Variants in CFAP57 observed in about 807,000 individuals in gnomAD.
CFAP57 encodes cilia- and flagella-associated protein 57.
CFAP57 carries 116 observed loss-of-function variants against 146.8 expected under a neutral mutation model. The observed-to-expected ratio is 0.79, with a 90% confidence interval of 0.68 to 0.92. CFAP57 has a LOEUF of 0.92. Among genes scored for constraint, CFAP57 ranks in the 40% least tolerant of loss-of-function variants. The pLI is 0.00. For synonymous variants in CFAP57, 518 were observed against 552.8 expected (o/e 0.94, Z 0.88); for missense variants, 1,377 against 1,527.2 (o/e 0.90, Z 1.64).
At chr1:43,249,346 T>G (rs1229016130) in intron 22 of CFAP57, among the ~76,000 whole-genome samples, 1 of 151,770 alleles carries the variant, frequency 6.6e-6, no homozygotes, top group Non-Finnish European at 1.5e-5. Context: ...TTTTAACAGT[T>G]TATCTAGATT....
At chr1:43,215,954 CCCTT>C (rs1213246047) in intron 12 of CFAP57, among the ~76,000 whole-genome samples, 1 of 152,184 alleles carries the variant, frequency 6.6e-6, no homozygotes, top group Non-Finnish European at 1.5e-5. Flanking sequence ...AGAGCCCCCT[CCCTT>C]AATCACTATA....
intron 6 of CFAP57, chr1:43,196,417 G>A (rs1402590089): frequency 6.5e-6 from 1 of 153,360 alleles, no homozygotes; most frequent in Admixed American, 6.5e-5. Flanking sequence ...AGATAGTAGG[G>A]TCTACAGCCA....
At chr1:43,217,594 C>T (rs1644882082) in intron 12 of CFAP57, among the ~76,000 whole-genome samples, 1 of 152,116 alleles carries the variant, frequency 6.6e-6, no homozygotes, top group South Asian at 2.1e-4. Flanking sequence ...CTCTCCACCC[C>T]ACACCCAGTC....
intron 12 of CFAP57, among the ~76,000 whole-genome samples, chr1:43,217,519 G>C (rs1333165779): frequency 2.6e-5 from 4 of 152,062 alleles, no homozygotes; most frequent in Non-Finnish European, 5.9e-5. Context: ...AGCAAGACAG[G>C]CCAAGCCCCA....
At chr1:43,228,021 C>T (rs1205078481) in intron 18 of CFAP57, among the ~76,000 whole-genome samples, 2 of 152,202 alleles carry the variant, frequency 1.3e-5, no homozygotes, top group African/African-American at 4.8e-5. Flanking sequence ...CACCCTGGTA[C>T]AAGCAGCCAC....
At chr1:43,178,276 A>G (rs989211431) in intron 2 of CFAP57, among the ~76,000 whole-genome samples, 2 of 152,264 alleles carry the variant, frequency 1.3e-5, no homozygotes, top group African/African-American at 4.8e-5. Context: ...ACAAAAGCCA[A>G]AATTGACAAA....
At chr1:43,234,168 C>A in intron 19 of CFAP57, 111 bp from the exon 20 acceptor site, 1 of 1,241,296 alleles carries the variant, frequency 8.1e-7, no homozygotes, top group Non-Finnish European at 1.1e-6. Flanking sequence ...AGCTGTAAGT[C>A]CCAGATGAGG....
chr1:43,188,380 A>C (rs1001365092), intron 6 of CFAP57, among the ~76,000 whole-genome samples: 3 of 152,066 alleles, frequency 2.0e-5, no homozygotes, highest in Admixed American at 6.6e-5. Context: ...AAGTTGCTGG[A>C]CCGTTTTATA....
chr1:43,229,054 G>A (rs558918819), intron 18 of CFAP57, among the ~76,000 whole-genome samples: 2 of 148,382 alleles, frequency 1.3e-5, no homozygotes, highest in African/African-American at 5.1e-5. Flanking sequence ...TGGAATTTGG[G>A]GTGGAGGGCA....
Position 43,226,218 on chromosome 1 carries a change from C to G in CFAP57, c.2866-765C>G, listed in dbSNP as rs115664115. On this transcript the variant is annotated intron_variant, in intron 17 of 22. Transcript: ENST00000372492. Reference sequence around the variant, plus strand: ...GAAAGCAACTATTTTATTCTGCTTACAGGTGCTACAGATCTGGAATCTGGA... The same window carrying G: ...GAAAGCAACTATTTTATTCTGCTTAGAGGTGCTACAGATCTGGAATCTGGA... Among the ~76,000 whole-genome samples, 704 of 152,338 alleles carry G rather than the reference C, an allele frequency of 4.6e-3. 2 individuals are homozygous for G. The highest frequency in any genetic ancestry group is 7.9e-3 in the Non-Finnish European group (535 of 68,036).
intron 2 of CFAP57, among the ~76,000 whole-genome samples, chr1:43,181,311 A>G (rs1217208518): frequency 2.0e-5 from 3 of 152,148 alleles, no homozygotes; most frequent in African/African-American, 7.2e-5. Context: ...ATTTCAAGTC[A>G]TCTGCCCACC....
intron 9 of CFAP57, among the ~76,000 whole-genome samples, chr1:43,202,315 T>C (rs1644160563): frequency 6.6e-6 from 1 of 152,100 alleles, no homozygotes; most frequent in Non-Finnish European, 1.5e-5. Flanking sequence ...CAGAAGTTAA[T>C]AAAATAGAAA....
At chr1:43,172,573 A>AAAGGGGAGGGAC (rs60903504) in intron 1 of CFAP57, 120 bp downstream of exon 1, 11,978 of 582,412 alleles carry the variant, frequency 0.021, 570 homozygotes, top group African/African-American at 0.12. Flanking sequence ...GGGGGAGGGG[A>AAAGGGGAGGGAC]AAGGGGAGGG....
intron 9 of CFAP57, among the ~76,000 whole-genome samples, chr1:43,203,171 T>TCAAAA (rs142683756): frequency 0.05 from 7,540 of 151,570 alleles, 378 homozygotes; most frequent in African/African-American, 0.12. Context: ...AGACTCTGCC[T>TCAAAA]CAAAACAAAA....
chr1:43,217,745 G>C (rs1452041319), intron 12 of CFAP57, among the ~76,000 whole-genome samples: 1 of 152,006 alleles, frequency 6.6e-6, no homozygotes, highest in Non-Finnish European at 1.5e-5. Flanking sequence ...TCATCATCCT[G>C]CCTTTGGTCC....
chr1:43,247,723 C>A (rs1646163659), intron 22 of CFAP57, among the ~76,000 whole-genome samples: 1 of 152,146 alleles, frequency 6.6e-6, no homozygotes, highest in South Asian at 2.1e-4. Context: ...TCTGTATGTG[C>A]AAAGAAACAA....
At chr1:43,182,650 G>A (rs1255585101) in intron 3 of CFAP57, among the ~76,000 whole-genome samples, 1 of 152,218 alleles carries the variant, frequency 6.6e-6, no homozygotes, top group East Asian at 1.9e-4. Flanking sequence ...GCTGCTGGGT[G>A]ATTATTCCAG....
In CFAP57 at chr1:43,254,172, T is replaced by G; in HGVS notation, c.3734T>G (p.Leu1245Ter). ...TCCCTCTCCAACTCCGAGGTAGACT[T>G]AGAGGTGAAGACCAACTGACCCCCT... ...LPSLSNSEVDLEVKTN is the reference protein window; with the variant it reads ...LPSLSNSEVD The change falls in exon 23 of 23, where the codon TTA (leucine) becomes TGA (stop). Residue 1245 changes from leucine to a stop codon, truncating the protein, a stop_gained. Coordinates refer to ENST00000372492, the MANE Select transcript of CFAP57 (RefSeq NM_001378189.1). LOFTEE classifies it high-confidence loss of function. 1 of 1,549,602 alleles carries G rather than the reference T, an allele frequency of 6.5e-7. No homozygotes were observed. The highest frequency in any genetic ancestry group is 2.4e-5 in the East Asian group (1 of 40,892).
intron 7 of CFAP57, among the ~76,000 whole-genome samples, chr1:43,198,153 C>T (rs866335148): frequency 3.9e-5 from 6 of 152,136 alleles, no homozygotes; most frequent in South Asian, 4.1e-4. Flanking sequence ...CTAGGTGGAC[C>T]CCCACCCCCT....
Sources: gnomAD v4.1 joint callset for allele counts (sites outside exome capture counted in the v4.1 genomes callset) on GRCh38, gnomAD v4.1.1 for gene constraint, MANE v1.5 for transcripts, NCBI Gene and HGNC (gene_info 2026-07-23, HGNC 2026-07-21) for gene names.